Variants in TNNI3K observed in about 807,000 individuals in gnomAD.
The protein encoded by TNNI3K is TNNI3 interacting kinase, also known as serine/threonine-protein kinase TNNI3K.
Under a neutral mutation model 114.5 loss-of-function variants are expected in TNNI3K, and 140 were observed. That is an observed-to-expected ratio of 1.22 (90% confidence interval 1.07 to 1.41). The LOEUF (loss-of-function observed/expected upper bound fraction) is 1.41, where lower values mean the gene tolerates loss of function less well. TNNI3K is among the 40% of genes most tolerant of loss of function. The pLI, the probability that TNNI3K is intolerant of heterozygous loss-of-function variation, is 0.00. For missense variants in TNNI3K, 1,125 were observed against 1,007.6 expected (o/e 1.12, Z -1.58); for synonymous variants, 347 against 347.5 (o/e 1.00, Z 0.02).
intron 5 of TNNI3K, among the ~76,000 whole-genome samples, chr1:74,323,695 T>C (rs922400276): frequency 2.0e-5 from 3 of 152,106 alleles, no homozygotes; most frequent in Non-Finnish European, 4.4e-5. Flanking sequence ...GAAGTAGTAG[T>C]CTTAGATGAA....
intron 17 of TNNI3K, chr1:74,416,613 C>A (rs780008488): frequency 5.3e-6 from 5 of 935,106 alleles, no homozygotes; most frequent in East Asian, 1.2e-4. Context: ...CCTTCCTCTT[C>A]TATTCATTAT....
At chr1:74,329,968 T>C (rs1660111006) in intron 5 of TNNI3K, among the ~76,000 whole-genome samples, 1 of 152,084 alleles carries the variant, frequency 6.6e-6, no homozygotes. Context: ...TCTAATAGAC[T>C]TTTGAAAAAA....
chr1:74,244,805 T>C (rs1445168423), intron 2 of TNNI3K, among the ~76,000 whole-genome samples: 2 of 151,796 alleles, frequency 1.3e-5, no homozygotes, highest in African/African-American at 4.8e-5. Context: ...TCATCAAATT[T>C]AGATCACAGA....
chr1:74,305,013 TATTA>T (rs1238105908), intron 5 of TNNI3K, among the ~76,000 whole-genome samples: 5 of 152,192 alleles, frequency 3.3e-5, no homozygotes, highest in South Asian at 2.1e-4. Context: ...CTATTTTAGT[TATTA>T]ATTATAATAA....
intron 4 of TNNI3K, among the ~76,000 whole-genome samples, chr1:74,260,421 G>T (rs1275929895): frequency 6.6e-6 from 1 of 152,142 alleles, no homozygotes; most frequent in Non-Finnish European, 1.5e-5. Context: ...GAATACTTCT[G>T]TTCATATCTC....
chr1:74,374,593 C>T (rs1450174615), intron 17 of TNNI3K: 1 of 151,906 alleles, frequency 6.6e-6, no homozygotes, highest in African/African-American at 2.4e-5. Flanking sequence ...TTCCTGTGAC[C>T]CAAACAATTT....
At position 74,447,083 on chromosome 1, in the gene TNNI3K, C is replaced by A. The variant is rs1414124936; in HGVS notation, c.2011+7461C>A. 8.1e-3 allele frequency among the ~76,000 whole-genome samples: 1,219 copies of A among 150,682 alleles called. 19 individuals are homozygous for A. The highest frequency in any genetic ancestry group is 0.028 in the African/African-American group (1,152 of 40,780). Reference sequence around the variant, plus strand: ...TTTTTTCCAATTCTGTGAAGAAAGTCATTGGTAGCTTGATGGGAATGGCAT... The same window carrying A: ...TTTTTTCCAATTCTGTGAAGAAAGTAATTGGTAGCTTGATGGGAATGGCAT... On this transcript the variant is annotated intron_variant, in intron 20 of 24. Coordinates refer to ENST00000326637, the MANE Select transcript of TNNI3K (RefSeq NM_015978.3).
intron 5 of TNNI3K, among the ~76,000 whole-genome samples, chr1:74,302,607 G>A (rs1314246822): frequency 1.3e-5 from 2 of 152,272 alleles, no homozygotes; most frequent in East Asian, 3.9e-4. Context: ...CTGATACGGA[G>A]GAAGTTTTAG....
chr1:74,516,440 T>A (rs544541520), intron 23 of TNNI3K, among the ~76,000 whole-genome samples: 3 of 152,294 alleles, frequency 2.0e-5, no homozygotes, highest in South Asian at 2.1e-4. Context: ...ATACAAGGCA[T>A]GAGGTGTCAC....
At chr1:74,533,293 C>T (rs944265765) in intron 23 of TNNI3K, among the ~76,000 whole-genome samples, 5 of 152,022 alleles carry the variant, frequency 3.3e-5, no homozygotes, top group African/African-American at 1.2e-4. Context: ...TTTATGCAGC[C>T]AAAAAACACA....
chr1:74,433,037 A>G (rs560360888), intron 17 of TNNI3K, among the ~76,000 whole-genome samples: 9 of 151,812 alleles, frequency 5.9e-5, no homozygotes, highest in Non-Finnish European at 1.3e-4. Context: ...CTCACAGGAG[A>G]CCCTCACTCA....
At chr1:74,322,951 C>T (rs1264773668) in intron 5 of TNNI3K, among the ~76,000 whole-genome samples, 1 of 152,120 alleles carries the variant, frequency 6.6e-6, no homozygotes, top group East Asian at 1.9e-4. Context: ...AAAGATCCTT[C>T]TAAGATGCAA....
intron 21 of TNNI3K, chr1:74,483,382 G>C: frequency 1.4e-6 from 1 of 716,942 alleles, no homozygotes; most frequent in Non-Finnish European, 2.6e-6. Flanking sequence ...CCACCTGAAA[G>C]GAAAGTAGAG....
At chr1:74,509,563 A>G (rs1425613650) in intron 23 of TNNI3K, among the ~76,000 whole-genome samples, 1 of 152,122 alleles carries the variant, frequency 6.6e-6, no homozygotes, top group African/African-American at 2.4e-5. Flanking sequence ...ATAATATTTT[A>G]TCAGATTAAC....
chr1:74,405,220 A>G (rs1664557448), intron 17 of TNNI3K, among the ~76,000 whole-genome samples: 1 of 152,108 alleles, frequency 6.6e-6, no homozygotes, highest in Non-Finnish European at 1.5e-5. Flanking sequence ...AAGGCATTAG[A>G]GACGGGGGAG....
intron 2 of TNNI3K, among the ~76,000 whole-genome samples, chr1:74,239,688 A>T (rs748204033): frequency 6.6e-6 from 1 of 152,148 alleles, no homozygotes; most frequent in Non-Finnish European, 1.5e-5. Flanking sequence ...TTCATTCATT[A>T]TAAGAGATTT....
intron 4 of TNNI3K, among the ~76,000 whole-genome samples, chr1:74,252,076 G>T (rs1196627203): frequency 6.6e-6 from 1 of 152,192 alleles, no homozygotes; most frequent in South Asian, 2.1e-4. Flanking sequence ...TCATGGCACT[G>T]TATGAAACCA....
intron 23 of TNNI3K, among the ~76,000 whole-genome samples, chr1:74,499,681 C>A (rs1570705837): frequency 6.6e-6 from 1 of 151,802 alleles, no homozygotes; most frequent in Non-Finnish European, 1.5e-5. Flanking sequence ...CTTGTATTTC[C>A]CACCAAAAAA....
At chr1:74,273,895 T>G in intron 5 of TNNI3K, among the ~76,000 whole-genome samples, 1 of 152,060 alleles carries the variant, frequency 6.6e-6, no homozygotes, top group South Asian at 2.1e-4. Flanking sequence ...AAGAAAAGGG[T>G]ATCCAAAACT....
Sources: allele counts gnomAD v4.1 joint callset (sites outside exome capture counted in the v4.1 genomes callset), GRCh38; gene constraint gnomAD v4.1.1; transcripts MANE v1.5; gene names NCBI Gene and HGNC (gene_info 2026-07-23, HGNC 2026-07-21).